The following PDE6D variants were observed in gnomAD, a reference collection of about 807,000 sequenced individuals.
PDE6D encodes the protein retinal rod rhodopsin-sensitive cGMP 3',5'-cyclic phosphodiesterase subunit delta.
Under a neutral mutation model 21.9 loss-of-function variants are expected in PDE6D, and 10 were observed. The observed-to-expected ratio is 0.46, with a 90% CI of 0.28 to 0.78. The LOEUF is 0.78. Among genes scored for constraint, PDE6D ranks in the 30% least tolerant of loss-of-function variants. PDE6D has a pLI of 0.12. For synonymous variants in PDE6D, 59 were observed against 63.5 expected (o/e 0.93, Z 0.34); for missense variants, 139 against 184.8 (o/e 0.75, Z 1.44).
chr2:231,743,301 G>A (rs2048765100), intron 1 of PDE6D, among the ~76,000 whole-genome samples: 1 of 151,954 alleles, frequency 6.6e-6, no homozygotes, highest in South Asian at 2.1e-4. Context: ...GTGTGCGCCT[G>A]TAGTCCCAGC....
At position 231,744,075 on chromosome 2, in the gene PDE6D, T is replaced by C. The variant is rs151212983; in HGVS notation, c.51-4887A>G. Among the ~76,000 whole-genome samples the C allele has an allele frequency of 8.5e-4, 130 of 152,294 alleles. 1 individual carries two copies. Among genetic ancestry groups the C allele is most frequent in the Non-Finnish European group, 1.6e-3 (106 of 68,028 alleles). On this transcript the variant is annotated intron_variant, in intron 1 of 4. Coordinates refer to ENST00000287600, the MANE Select transcript of PDE6D (RefSeq NM_002601.4). Reference sequence around the variant, plus strand: ...ACAATAAGACTAAACAAAACTAAAATGACTTCTACAGTTCCAGGCTCACAG... The same window carrying C: ...ACAATAAGACTAAACAAAACTAAAACGACTTCTACAGTTCCAGGCTCACAG...
At chr2:231,757,411 C>T (rs2048891413) in intron 1 of PDE6D, among the ~76,000 whole-genome samples, 1 of 152,226 alleles carries the variant, frequency 6.6e-6, no homozygotes, top group South Asian at 2.1e-4. Flanking sequence ...AATTCTCCTG[C>T]CTCAGCCTCC....
chr2:231,768,309 C>T (rs1273968763), intron 1 of PDE6D, among the ~76,000 whole-genome samples: 2 of 152,168 alleles, frequency 1.3e-5, no homozygotes, highest in African/African-American at 4.8e-5. Flanking sequence ...AAACACTTTC[C>T]TTCCTCTGTT....
intron 1 of PDE6D, among the ~76,000 whole-genome samples, chr2:231,740,425 G>C (rs2048737769): frequency 6.6e-6 from 1 of 152,124 alleles, no homozygotes; most frequent in African/African-American, 2.4e-5. Context: ...GCTCACACCT[G>C]TAATTCCAGC....
At chr2:231,747,593 T>C (rs1432826054) in intron 1 of PDE6D, among the ~76,000 whole-genome samples, 3 of 152,238 alleles carry the variant, frequency 2.0e-5, no homozygotes, top group Admixed American at 6.5e-5. Flanking sequence ...TCCTTCTCCA[T>C]TCTCTTCATA....
chr2:231,777,197 T>A (rs2049064189), intron 1 of PDE6D, among the ~76,000 whole-genome samples: 1 of 152,164 alleles, frequency 6.6e-6, no homozygotes, highest in South Asian at 2.1e-4. Flanking sequence ...TAGGGTGAGA[T>A]GGGGTGAAGG....
At chr2:231,759,938 C>T (rs2048912933) in intron 1 of PDE6D, among the ~76,000 whole-genome samples, 1 of 152,140 alleles carries the variant, frequency 6.6e-6, no homozygotes, top group Non-Finnish European at 1.5e-5. Flanking sequence ...CTCCTGAGGG[C>T]TTTCCCATAG....
chr2:231,778,160 G>C (rs975248838), intron 1 of PDE6D, among the ~76,000 whole-genome samples: 1 of 152,188 alleles, frequency 6.6e-6, no homozygotes, highest in African/African-American at 2.4e-5. Context: ...CAGCTACTCA[G>C]GAGGCTGAGG....
intron 1 of PDE6D, among the ~76,000 whole-genome samples, chr2:231,768,094 C>T (rs898103841): frequency 6.6e-6 from 1 of 152,102 alleles, no homozygotes; most frequent in Admixed American, 6.6e-5. Context: ...ATCCATACAC[C>T]TTAGCCTCCC....
intron 1 of PDE6D, among the ~76,000 whole-genome samples, chr2:231,775,426 C>G (rs1391445020): frequency 6.6e-6 from 1 of 151,730 alleles, no homozygotes; most frequent in East Asian, 1.9e-4. Flanking sequence ...CCCCTCACCT[C>G]AGCCTCCCAG....
intron 1 of PDE6D, chr2:231,778,947 A>G (rs1259367679): frequency 6.6e-6 from 1 of 152,260 alleles, no homozygotes; most frequent in Non-Finnish European, 1.5e-5. Context: ...CTATTCTTAC[A>G]GAAACAGATA....
chr2:231,780,317 TC>T (rs1242362384), intron 1 of PDE6D, among the ~76,000 whole-genome samples: 1 of 151,636 alleles, frequency 6.6e-6, no homozygotes, highest in African/African-American at 2.4e-5. Context: ...CGGCTAGGAG[TC>T]CCAGCGCGAG....
chr2:231,765,046 A>C (rs1245454201), intron 1 of PDE6D, among the ~76,000 whole-genome samples: 1 of 151,562 alleles, frequency 6.6e-6, no homozygotes, highest in Admixed American at 6.6e-5. Context: ...AGACTGCTTG[A>C]GCCCAGGAAT....
At chr2:231,743,683 T>C (rs1389077295) in intron 1 of PDE6D, among the ~76,000 whole-genome samples, 1 of 151,762 alleles carries the variant, frequency 6.6e-6, no homozygotes, top group Admixed American at 6.6e-5. Flanking sequence ...CCGTGTGATC[T>C]GCCTTCCTCT....
intron 4 of PDE6D, among the ~76,000 whole-genome samples, chr2:231,735,328 C>A (rs1356030576): frequency 7.2e-6 from 1 of 139,046 alleles, no homozygotes; most frequent in Non-Finnish European, 1.5e-5. Context: ...GAGGTGGAGT[C>A]TCGCCCTGTC....
chr2:231,754,357 CT>C lies in PDE6D; in HGVS notation c.51-15170del, dbSNP rs1032135919. On this transcript the variant is annotated intron_variant, in intron 1 of 4. Transcript: ENST00000287600. ...GCTGTGAGAAGAAAATGGCTTTTGTCTTTTTTTTTTTTTTTTTGAGACGGAG... is the reference window on the plus strand; with the variant it reads ...GCTGTGAGAAGAAAATGGCTTTTGTCTTTTTTTTTTTTTTTTGAGACGGAG... Among the ~76,000 whole-genome samples the C allele has an allele frequency of 1.7e-3, 225 of 132,626 alleles. No homozygotes were observed. In the Middle Eastern group the frequency reaches 0.02, roughly 12 times the overall value. The allele number at this position is 132,626 out of a possible 152,430, so 87.0% of individuals were successfully genotyped here. A position where few individuals can be genotyped will look rare whatever the true frequency, so the allele number is the denominator to read the frequency against.
chr2:231,773,163 C>T (rs2049028598), intron 1 of PDE6D, among the ~76,000 whole-genome samples: 1 of 152,166 alleles, frequency 6.6e-6, no homozygotes, highest in Non-Finnish European at 1.5e-5. Flanking sequence ...ATCATCTGAG[C>T]CTGGGAGGTC....
intron 1 of PDE6D, among the ~76,000 whole-genome samples, chr2:231,742,886 T>C (rs1246658263): frequency 6.6e-6 from 1 of 152,002 alleles, no homozygotes; most frequent in Non-Finnish European, 1.5e-5. Flanking sequence ...TTCGAGGGAG[T>C]TGGAAGTTCT....
chr2:231,769,692 T>G (rs2049000421), intron 1 of PDE6D, among the ~76,000 whole-genome samples: 1 of 152,162 alleles, frequency 6.6e-6, no homozygotes, highest in African/African-American at 2.4e-5. Context: ...TAGCTCACTG[T>G]AGCCTCGAAT....
Sources: allele counts gnomAD v4.1 joint callset (sites outside exome capture counted in the v4.1 genomes callset), GRCh38; gene constraint gnomAD v4.1.1; transcripts MANE v1.5; gene names NCBI Gene and HGNC (gene_info 2026-07-23, HGNC 2026-07-21).